STXBP6: variants seen among roughly 807,000 people sequenced by gnomAD.
STXBP6 encodes the protein syntaxin-binding protein 6.
In STXBP6, 21 loss-of-function variants were observed where a neutral mutation model predicts 26.9. That is an observed-to-expected ratio of 0.78 (90% CI 0.55 to 1.12). STXBP6 has a LOEUF of 1.12. Among genes scored for constraint, STXBP6 ranks in the 50% most tolerant of loss-of-function variants. STXBP6 has a pLI of 0.00. For synonymous variants in STXBP6, 97 were observed against 92.6 expected, an observed-to-expected ratio of 1.05 and a Z score of -0.27; for missense variants, 232 against 257.9, an observed-to-expected ratio of 0.90 and a Z score of 0.69.
intron 2 of STXBP6, among the ~76,000 whole-genome samples, chr14:24,862,690 C>G (rs1420890039): frequency 6.6e-6 from 1 of 151,972 alleles, no homozygotes; most frequent in Non-Finnish European, 1.5e-5. Flanking sequence ...AAAGGGATGC[C>G]AAAAAGGAAC....
At chr14:25,030,872 C>A (rs545989099) in intron 1 of STXBP6, among the ~76,000 whole-genome samples, 1 of 151,740 alleles carries the variant, frequency 6.6e-6, no homozygotes, top group Admixed American at 6.6e-5. Context: ...TAACACCCTA[C>A]ATAATAACTA....
chr14:24,833,873 A>G (rs1327101087), intron 4 of STXBP6, among the ~76,000 whole-genome samples: 1 of 152,254 alleles, frequency 6.6e-6, no homozygotes, highest in Non-Finnish European at 1.5e-5. Context: ...ATACAAAATG[A>G]GTAAAAAAAC....
intron 1 of STXBP6, among the ~76,000 whole-genome samples, chr14:25,047,002 T>C (rs948171318): frequency 7.2e-5 from 11 of 152,106 alleles, no homozygotes; most frequent in Non-Finnish European, 8.8e-5. Flanking sequence ...TGTCGTGGGG[T>C]GTACTTCATG....
At chr14:25,002,022 A>T (rs146315452) in intron 1 of STXBP6, among the ~76,000 whole-genome samples, 1 of 152,336 alleles carries the variant, frequency 6.6e-6, no homozygotes, top group East Asian at 1.9e-4. Flanking sequence ...TACTTGCAAC[A>T]TCACTTAAGC....
intron 4 of STXBP6, among the ~76,000 whole-genome samples, chr14:24,838,434 C>T (rs899682008): frequency 7.9e-5 from 12 of 152,244 alleles, no homozygotes; most frequent in South Asian, 2.1e-4. Context: ...GCCTGTAATC[C>T]GAGCACTTTG....
chr14:25,045,667 G>C (rs888074067), intron 1 of STXBP6, among the ~76,000 whole-genome samples: 5 of 147,938 alleles, frequency 3.4e-5, no homozygotes, highest in African/African-American at 1.2e-4. Flanking sequence ...GCAATGGCAC[G>C]ATCTCGGCTC....
At chr14:25,046,903 G>A (rs1435842660) in intron 1 of STXBP6, among the ~76,000 whole-genome samples, 2 of 152,202 alleles carry the variant, frequency 1.3e-5, no homozygotes, top group Non-Finnish European at 2.9e-5. Flanking sequence ...TCTTAGAGAC[G>A]AAGAGAGGGT....
intron 4 of STXBP6, among the ~76,000 whole-genome samples, chr14:24,845,248 G>A (rs567602414): frequency 1.7e-3 from 266 of 152,168 alleles, no homozygotes; most frequent in Non-Finnish European, 3.3e-3. Flanking sequence ...TCCTGACCTC[G>A]TGATCTGCCC....
intron 1 of STXBP6, among the ~76,000 whole-genome samples, chr14:24,997,224 C>T (rs1161737847): frequency 1.3e-5 from 2 of 152,162 alleles, no homozygotes; most frequent in African/African-American, 2.4e-5. Flanking sequence ...ACAACACTCA[C>T]ATACGCAGGT....
At chr14:24,820,461 G>C (rs1361434680) in intron 4 of STXBP6, among the ~76,000 whole-genome samples, 1 of 152,098 alleles carries the variant, frequency 6.6e-6, no homozygotes, top group African/African-American at 2.4e-5. Context: ...AGGAGAATGG[G>C]GTTAACTCAG....
At chr14:24,895,338 A>G (rs1175477424) in intron 2 of STXBP6, among the ~76,000 whole-genome samples, 1 of 152,230 alleles carries the variant, frequency 6.6e-6, no homozygotes, top group Admixed American at 6.5e-5. Flanking sequence ...ACCATTAAGG[A>G]AAAGAGATTT....
intron 2 of STXBP6, among the ~76,000 whole-genome samples, chr14:24,960,957 C>T (rs1015833239): frequency 2.0e-5 from 3 of 152,160 alleles, no homozygotes; most frequent in African/African-American, 7.2e-5. Flanking sequence ...TCTTCTTTTG[C>T]CTGACTGTAG....
intron 4 of STXBP6, among the ~76,000 whole-genome samples, chr14:24,821,349 C>T (rs2068126134): frequency 6.6e-6 from 1 of 152,222 alleles, no homozygotes; most frequent in African/African-American, 2.4e-5. Flanking sequence ...ACTCGTGTTT[C>T]TGGAATGAAC....
chr14:24,890,956 C>G (rs2070764972), intron 2 of STXBP6, among the ~76,000 whole-genome samples: 1 of 152,220 alleles, frequency 6.6e-6, no homozygotes, highest in Non-Finnish European at 1.5e-5. Context: ...TTTCAACAGG[C>G]AAGTTGTTTG....
At chr14:24,965,661 T>C (rs1431370888) in intron 2 of STXBP6, among the ~76,000 whole-genome samples, 1 of 152,168 alleles carries the variant, frequency 6.6e-6, no homozygotes, top group Non-Finnish European at 1.5e-5. Flanking sequence ...ATTAATGCCA[T>C]TTTATAGATG....
At chr14:24,930,180 T>C (rs1323335144) in intron 2 of STXBP6, among the ~76,000 whole-genome samples, 1 of 152,222 alleles carries the variant, frequency 6.6e-6, no homozygotes, top group African/African-American at 2.4e-5. Context: ...CATCCCACCG[T>C]TCTGCAGAGC....
intron 2 of STXBP6, among the ~76,000 whole-genome samples, chr14:24,892,174 A>C (rs771151239): frequency 5.9e-5 from 9 of 151,866 alleles, no homozygotes; most frequent in Non-Finnish European, 1.2e-4. Flanking sequence ...CAATGCAGAC[A>C]GTCAATACAA....
rs180915377 is a variant in STXBP6, at chr14:24,839,130, C to T, written c.451+16806G>A. Among the ~76,000 whole-genome samples the T allele has an allele frequency of 3.0e-3, 452 of 152,238 alleles. 5 individuals are homozygous for T. Among genetic ancestry groups the T allele is most frequent in the African/African-American group, 0.011 (439 of 41,532 alleles). ...GTTCTGTGATTGTGAGTGAAAGTTG[C>T]ATTGTCTGTCCCCGCCTGCCCTCCT... On this transcript the variant is annotated intron_variant, in intron 4 of 5. Transcript: ENST00000323944.
chr14:24,989,455 A>T (rs1348021089), intron 1 of STXBP6, among the ~76,000 whole-genome samples: 1 of 152,236 alleles, frequency 6.6e-6, no homozygotes, highest in Non-Finnish European at 1.5e-5. Context: ...GCATCAAAAT[A>T]AACAAAAAAC....
Sources: gnomAD v4.1 joint callset for allele counts (sites outside exome capture counted in the v4.1 genomes callset) on GRCh38, gnomAD v4.1.1 for gene constraint, MANE v1.5 for transcripts, NCBI Gene and HGNC (gene_info 2026-07-23, HGNC 2026-07-21) for gene names.